The following GPR158 variants were observed in gnomAD, a reference collection of about 807,000 sequenced individuals.
The protein encoded by GPR158 is metabotropic glycine receptor.
In GPR158, 30 loss-of-function variants were observed where a neutral mutation model predicts 78.2. The observed-to-expected ratio is 0.38, with a 90% CI of 0.29 to 0.52. The LOEUF (loss-of-function observed/expected upper bound fraction) is 0.52, where lower values mean the gene tolerates loss of function less well. Among genes scored for constraint, GPR158 ranks in the 20% least tolerant of loss-of-function variants. GPR158 has a pLI of 0.83. For synonymous variants in GPR158, 581 were observed against 591.1 expected, an observed-to-expected ratio of 0.98 and a Z score of 0.25; for missense variants, 1,463 against 1,523.5, an observed-to-expected ratio of 0.96 and a Z score of 0.66.
chr10:25,353,316 G>C lies in GPR158; in HGVS notation c.1009-42595G>C, dbSNP rs557192417. Among the ~76,000 whole-genome samples, 3 of 152,044 alleles carry C rather than the reference G, an allele frequency of 2.0e-5. No individual in the cohort carries two copies. The East Asian group carries it at 5.8e-4, about 30-fold the overall frequency. On this transcript the variant is annotated intron_variant, in intron 2 of 10. Transcript: ENST00000376351. ...ATTTCCTACACCTTGGTTTCATAAG[G>C]TAAATTTGGCCTAATTAGAATTGTT...
chr10:25,224,405 T>G (rs976889502), intron 2 of GPR158, among the ~76,000 whole-genome samples: 9 of 151,630 alleles, frequency 5.9e-5, no homozygotes, highest in African/African-American at 2.2e-4. Context: ...TATATACATC[T>G]TTTGTTATAT....
At chr10:25,444,496 TGTG>T (rs543693755) in intron 4 of GPR158, among the ~76,000 whole-genome samples, 6 of 150,662 alleles carry the variant, frequency 4.0e-5, no homozygotes, top group Admixed American at 3.3e-4. Flanking sequence ...GTGGGGGAAA[TGTG>T]GGCGCATGTA....
chr10:25,302,465 A>G (rs1248273380), intron 2 of GPR158, among the ~76,000 whole-genome samples: 1 of 152,090 alleles, frequency 6.6e-6, no homozygotes, highest in East Asian at 1.9e-4. Flanking sequence ...GGCAGGACTC[A>G]GCCTTGAAAC....
intron 7 of GPR158, among the ~76,000 whole-genome samples, chr10:25,573,701 A>AGAT (rs1202977043): frequency 6.6e-6 from 1 of 152,216 alleles, no homozygotes; most frequent in Non-Finnish European, 1.5e-5. Context: ...CAGATATAAA[A>AGAT]GATAGAAACA....
At chr10:25,211,692 C>G (rs1853133087) in intron 1 of GPR158, among the ~76,000 whole-genome samples, 1 of 141,870 alleles carries the variant, frequency 7.0e-6, no homozygotes, top group Non-Finnish European at 1.5e-5. Flanking sequence ...TTCTGATACC[C>G]TGTCACAAAT....
At position 25,433,694 on chromosome 10, in the gene GPR158, CT is replaced by C. The variant is rs3082190; in HGVS notation, c.1335+21238del. On this transcript the variant is annotated intron_variant, in intron 4 of 10. Coordinates refer to ENST00000376351, the MANE Select transcript of GPR158 (RefSeq NM_020752.3). Reference sequence around the variant, plus strand: ...TTTTCCTTTCTTTCTTTCTTTCTTTCTTTTTTTTTTTTTTTTTGGTACAGGT... The same window carrying C: ...TTTTCCTTTCTTTCTTTCTTTCTTTCTTTTTTTTTTTTTTTTGGTACAGGT... 6.6e-4 allele frequency among the ~76,000 whole-genome samples: 73 copies of C among 109,824 alleles called. No homozygotes were observed. The East Asian group carries it at 6.8e-3, about 10-fold the overall frequency. 72.0% of individuals were successfully genotyped at this position (109,824 alleles called of 152,430 possible).
At chr10:25,352,029 C>A (rs1274026628) in intron 2 of GPR158, among the ~76,000 whole-genome samples, 1 of 95,056 alleles carries the variant, frequency 1.1e-5, no homozygotes, top group African/African-American at 2.7e-5. Flanking sequence ...CTACCCAGAA[C>A]CACTCAAATA....
rs148728116 is a variant in GPR158, at chr10:25,600,408, C to G, written c.*1134C>G. On this transcript the variant is annotated 3_prime_UTR_variant, in exon 11 of 11. Coordinates refer to ENST00000376351, the MANE Select transcript of GPR158 (RefSeq NM_020752.3). The stretch of plus-strand genomic sequence containing the variant: ...GGATGACATAAGAATTATAGCAGTA[C>G]TATAAACCCAGGAAGTTTGCCTTTC... The G allele has an allele frequency of 3.0e-3, 458 of 152,236 alleles. 3 individuals are homozygous for G. Among genetic ancestry groups the G allele is most frequent in the African/African-American group, 0.01 (434 of 41,434 alleles). 9.4% of individuals were successfully genotyped at this position (152,236 alleles called of 1,614,324 possible).
chr10:25,281,677 A>T (rs1409756285), intron 2 of GPR158, among the ~76,000 whole-genome samples: 1 of 152,154 alleles, frequency 6.6e-6, no homozygotes, highest in Non-Finnish European at 1.5e-5. Context: ...GAGGAAAAAA[A>T]GGCTGAAAAT....
chr10:25,353,757 T>G (rs1446660735), intron 2 of GPR158, among the ~76,000 whole-genome samples: 1 of 152,096 alleles, frequency 6.6e-6, no homozygotes, highest in Admixed American at 6.6e-5. Context: ...CTTTATAGAA[T>G]TGGGTTTTCT....
intron 2 of GPR158, among the ~76,000 whole-genome samples, chr10:25,253,022 C>T (rs750172277): frequency 1.3e-5 from 2 of 152,096 alleles, no homozygotes; most frequent in South Asian, 2.1e-4. Context: ...CGTGGTGTGC[C>T]GTTTCTTAAG....
At chr10:25,327,894 G>A (rs760573082) in intron 2 of GPR158, among the ~76,000 whole-genome samples, 62 of 152,136 alleles carry the variant, frequency 4.1e-4, no homozygotes, top group Non-Finnish European at 7.8e-4. Flanking sequence ...TTGAAAGTTT[G>A]TATACATTAA....
intron 2 of GPR158, among the ~76,000 whole-genome samples, chr10:25,390,889 G>A (rs1834287048): frequency 6.6e-6 from 1 of 152,194 alleles, no homozygotes; most frequent in African/African-American, 2.4e-5. Context: ...CACAGGCCTG[G>A]AGGCCCAGGG....
chr10:25,503,479 G>T (rs74124019), intron 5 of GPR158, among the ~76,000 whole-genome samples: 2,005 of 152,292 alleles, frequency 0.013, 48 homozygotes, highest in African/African-American at 0.046. Context: ...ATTATTAAGA[G>T]TGGAGAAAAA....
In GPR158 at chr10:25,370,235, T is replaced by C. The variant is rs1366549521; in HGVS notation, c.1009-25676T>C. Among the ~76,000 whole-genome samples the C allele has an allele frequency of 6.9e-5, 10 of 145,116 alleles. No individual in the cohort carries two copies. The East Asian group carries it at 1.8e-3, about 26-fold the overall frequency. ...CTTTTGAATGTGTTTGCTCTTGCTT[T>C]TCTAGTTCTTTTAATTGTGATGTTA... On this transcript the variant is annotated intron_variant, in intron 2 of 10. Transcript: ENST00000376351.
chr10:25,489,318 T>C (rs1023011410), intron 5 of GPR158, among the ~76,000 whole-genome samples: 4 of 152,104 alleles, frequency 2.6e-5, no homozygotes, highest in African/African-American at 9.7e-5. Flanking sequence ...GCAAGTGGTA[T>C]TTCTTATATA....
intron 7 of GPR158, among the ~76,000 whole-genome samples, chr10:25,582,316 G>A (rs1263834999): frequency 6.6e-6 from 1 of 152,158 alleles, no homozygotes; most frequent in East Asian, 1.9e-4. Flanking sequence ...TCTTTAATGT[G>A]TATCCATAAG....
At chr10:25,467,271 G>C (rs941083606) in intron 5 of GPR158, among the ~76,000 whole-genome samples, 6 of 152,210 alleles carry the variant, frequency 3.9e-5, no homozygotes, top group Non-Finnish European at 7.3e-5. Flanking sequence ...TGGAGACCAA[G>C]GTTCTTTTGA....
chr10:25,426,417 G>A (rs1488500144), intron 4 of GPR158, among the ~76,000 whole-genome samples: 1 of 152,074 alleles, frequency 6.6e-6, no homozygotes, highest in Admixed American at 6.6e-5. Flanking sequence ...CTCAGCTTTC[G>A]ATATGCCTCC....
Sources: allele counts gnomAD v4.1 joint callset (sites outside exome capture counted in the v4.1 genomes callset), GRCh38; gene constraint gnomAD v4.1.1; transcripts MANE v1.5; gene names NCBI Gene and HGNC (gene_info 2026-07-23, HGNC 2026-07-21).